The following RIMS2 variants were observed in gnomAD, a reference collection of about 807,000 sequenced individuals.
The protein encoded by RIMS2 is regulating synaptic membrane exocytosis 2.
A neutral mutation model predicts 174.4 loss-of-function variants in RIMS2; 59 were observed. That is an observed-to-expected ratio of 0.34 (90% CI 0.27 to 0.42). The LOEUF (loss-of-function observed/expected upper bound fraction) is 0.42. Ranked by LOEUF, RIMS2 falls within the 10% of genes least tolerant of loss-of-function variation. The pLI is 1.00. For missense variants in RIMS2, 1,620 were observed against 1,666.3 expected (o/e 0.97, Z 0.48); for synonymous variants, 606 against 572.5 (o/e 1.06, Z -0.84).
chr8:104,165,623 T>TC (rs2098792232), intron 19 of RIMS2, among the ~76,000 whole-genome samples: 1 of 152,134 alleles, frequency 6.6e-6, no homozygotes, highest in African/African-American at 2.4e-5. Flanking sequence ...GATTGTTCCA[T>TC]CAGTCTTTAT....
intron 19 of RIMS2, among the ~76,000 whole-genome samples, chr8:104,029,023 G>T (rs1479936084): frequency 6.6e-6 from 1 of 152,130 alleles, no homozygotes; most frequent in East Asian, 1.9e-4. Flanking sequence ...CCAAGAAAGG[G>T]GTGGACAATT....
At chr8:103,926,472 A>AG (rs1184020019) in intron 10 of RIMS2, among the ~76,000 whole-genome samples, 2 of 151,524 alleles carry the variant, frequency 1.3e-5, no homozygotes, top group Non-Finnish European at 3.0e-5. Flanking sequence ...ACAGAGAGAG[A>AG]GAGATTGAGA....
intron 3 of RIMS2, among the ~76,000 whole-genome samples, chr8:103,865,326 C>T (rs1171095109): frequency 1.4e-5 from 2 of 143,088 alleles, no homozygotes; most frequent in Non-Finnish European, 3.0e-5. Context: ...GCTCTGTCTC[C>T]CAGGCTGGAG....
intron 3 of RIMS2, among the ~76,000 whole-genome samples, chr8:103,827,397 C>A (rs899288702): frequency 6.6e-6 from 1 of 152,138 alleles, no homozygotes; most frequent in Non-Finnish European, 1.5e-5. Context: ...TGTAAGCAAT[C>A]ATGTCATTTG....
At chr8:103,500,705 C>T (rs1230845171), upstream of RIMS2, 7 of 533,646 alleles carry the variant, frequency 1.3e-5, no homozygotes, top group Non-Finnish European at 2.3e-5. Context: ...TCCTTCCCCA[C>T]GCGCTCGCCC....
intron 16 of RIMS2, among the ~76,000 whole-genome samples, chr8:103,978,375 A>T (rs1190430775): frequency 6.6e-6 from 1 of 152,218 alleles, no homozygotes; most frequent in Non-Finnish European, 1.5e-5. Flanking sequence ...AGAGGAAAAA[A>T]AAATGAATGC....
chr8:103,963,058 T>A (rs888097922), intron 15 of RIMS2, among the ~76,000 whole-genome samples: 1 of 152,170 alleles, frequency 6.6e-6, no homozygotes, highest in Non-Finnish European at 1.5e-5. Flanking sequence ...ATATATTAGT[T>A]CTGTTAAATA....
intron 19 of RIMS2, chr8:104,223,926 G>A: frequency 1.4e-6 from 1 of 717,928 alleles, no homozygotes; most frequent in Non-Finnish European, 2.3e-6. Context: ...TGTGCCGGGG[G>A]CGACAGCCCT....
chr8:103,701,992 T>A (rs2097172968), intron 2 of RIMS2, among the ~76,000 whole-genome samples: 1 of 152,040 alleles, frequency 6.6e-6, no homozygotes, highest in South Asian at 2.1e-4. Context: ...ATTTTTAGGT[T>A]TTTTATTGAG....
chr8:103,724,796 C>T (rs560192130), intron 2 of RIMS2, among the ~76,000 whole-genome samples: 2 of 152,264 alleles, frequency 1.3e-5, no homozygotes, highest in African/African-American at 4.8e-5. Context: ...CATATGCATT[C>T]TGGTATATTT....
intron 19 of RIMS2, among the ~76,000 whole-genome samples, chr8:104,074,746 A>G: frequency 6.6e-6 from 1 of 152,180 alleles, no homozygotes; most frequent in East Asian, 1.9e-4. Context: ...CACAAACCAA[A>G]TTACTGAAAT....
At chr8:104,019,153 A>G (rs2096013911) in intron 19 of RIMS2, among the ~76,000 whole-genome samples, 1 of 152,112 alleles carries the variant, frequency 6.6e-6, no homozygotes, top group Non-Finnish European at 1.5e-5. Flanking sequence ...AGCCAAGATC[A>G]CATCACTACA....
At chr8:103,982,743 A>C (rs763887449) in intron 16 of RIMS2, among the ~76,000 whole-genome samples, 14 of 152,200 alleles carry the variant, frequency 9.2e-5, no homozygotes, top group African/African-American at 2.4e-5. Context: ...GATGCAAGGA[A>C]CATACCTCAA....
intron 2 of RIMS2, among the ~76,000 whole-genome samples, chr8:103,764,390 G>A (rs1233460653): frequency 6.6e-6 from 1 of 152,122 alleles, no homozygotes; most frequent in African/African-American, 2.4e-5. Context: ...AAACAGAAAA[G>A]TTGACATTCA....
intron 4 of RIMS2, among the ~76,000 whole-genome samples, chr8:103,886,530 A>G (rs1047625479): frequency 3.3e-5 from 5 of 151,938 alleles, no homozygotes; most frequent in Admixed American, 6.6e-5. Context: ...TTTTTAAAAT[A>G]ACATTTATTT....
intron 3 of RIMS2, among the ~76,000 whole-genome samples, chr8:103,796,795 G>C (rs768534270): frequency 2.6e-5 from 4 of 152,152 alleles, no homozygotes; most frequent in Non-Finnish European, 5.9e-5. Context: ...GAAATAACTA[G>C]TATGTTGGAT....
intron 2 of RIMS2, among the ~76,000 whole-genome samples, chr8:103,746,662 A>G (rs3110473): frequency 0.82 from 124,297 of 151,934 alleles, 51,442 homozygotes; most frequent in African/African-American, 0.94. Context: ...GTGTTCATGT[A>G]TTCTCATCAT....
intron 2 of RIMS2, among the ~76,000 whole-genome samples, chr8:103,748,684 C>T (rs2097850104): frequency 6.6e-6 from 1 of 152,042 alleles, no homozygotes; most frequent in Admixed American, 6.6e-5. Flanking sequence ...GTCTTCTTTA[C>T]CATCTGTTAA....
chr8:103,936,792 G>A (rs1275189231), intron 13 of RIMS2, 70 bp downstream of exon 15: 16 of 1,225,488 alleles, frequency 1.3e-5, no homozygotes, highest in Non-Finnish European at 1.6e-5. Flanking sequence ...ATAACTGTCA[G>A]TATAATTTCA....
Sources: gnomAD v4.1 joint callset for allele counts (sites outside exome capture counted in the v4.1 genomes callset) on GRCh38, gnomAD v4.1.1 for gene constraint, MANE v1.5 for transcripts, NCBI Gene and HGNC (gene_info 2026-07-23, HGNC 2026-07-21) for gene names.